Variants in RNF19B observed in about 807,000 individuals in gnomAD.
RNF19B encodes E3 ubiquitin-protein ligase RNF19B.
In RNF19B, 23 loss-of-function variants were observed where a neutral mutation model predicts 65.5. The observed-to-expected ratio is 0.35, with a 90% confidence interval of 0.25 to 0.50. The LOEUF is 0.50. Ranked by LOEUF, RNF19B falls within the 20% of genes least tolerant of loss-of-function variation. The probability of loss-of-function intolerance (pLI) is 0.98; values close to 1 mark genes in which losing one functional copy is unlikely to be tolerated. For synonymous variants in RNF19B, 372 were observed against 379.6 expected (o/e 0.98, Z 0.23); for missense variants, 794 against 980.0 (o/e 0.81, Z 2.53).
intron 7 of RNF19B, among the ~76,000 whole-genome samples, chr1:32,940,605 T>C (rs973969467): frequency 2.0e-5 from 3 of 152,154 alleles, no homozygotes; most frequent in African/African-American, 7.2e-5. Context: ...TAATCTACCT[T>C]TTGGTATGAG....
the RNF19B span, among the ~76,000 whole-genome samples, chr1:32,929,123 T>C: frequency 0.071 from 10,853 of 152,204 alleles, 520 homozygotes; most frequent in Middle Eastern, 0.14. Context: ...CCGCGGGCTG[T>C]GGGGGAGGAT....
At chr1:32,948,671 T>G (rs937424334) in intron 2 of RNF19B, among the ~76,000 whole-genome samples, 1 of 152,186 alleles carries the variant, frequency 6.6e-6, no homozygotes, top group Admixed American at 6.5e-5. Context: ...AAAATGAAAT[T>G]TCTACCAGTC....
intron 1 of RNF19B, among the ~76,000 whole-genome samples, chr1:32,959,564 T>C (rs983275380): frequency 1.3e-5 from 2 of 152,192 alleles, no homozygotes; most frequent in African/African-American, 4.8e-5. Flanking sequence ...TTCTCCTTTA[T>C]AAAATGCACG....
downstream of RNF19B, among the ~76,000 whole-genome samples, chr1:32,936,189 T>TA (rs148669011): frequency 8.0e-3 from 1,219 of 152,342 alleles, 18 homozygotes; most frequent in African/African-American, 0.028. Context: ...CAAACAAAGT[T>TA]AGTTTTAATC....
chr1:32,952,040 T>C (rs1381223924), intron 1 of RNF19B, among the ~76,000 whole-genome samples: 2 of 151,248 alleles, frequency 1.3e-5, no homozygotes, highest in East Asian at 1.9e-4. Flanking sequence ...CTCTGGTGAT[T>C]TGCCTGTCTT....
At chr1:32,929,787 A>G in the RNF19B span, among the ~76,000 whole-genome samples, 117 of 152,286 alleles carry the variant, frequency 7.7e-4, no homozygotes, top group African/African-American at 2.8e-3. Context: ...TATAAGCCAA[A>G]TAGAACCTTG....
At chr1:32,943,061 A>G (rs943548888) in intron 6 of RNF19B, among the ~76,000 whole-genome samples, 1 of 151,620 alleles carries the variant, frequency 6.6e-6, no homozygotes, top group Admixed American at 6.6e-5. Context: ...GAATGACGCG[A>G]ACCCAGGAGC....
At chr1:32,959,089 T>C (rs1642710063) in intron 1 of RNF19B, among the ~76,000 whole-genome samples, 1 of 152,164 alleles carries the variant, frequency 6.6e-6, no homozygotes, top group Non-Finnish European at 1.5e-5. Context: ...GCTTGCTTGA[T>C]CTTCCCTCAT....
intron 3 of RNF19B, among the ~76,000 whole-genome samples, chr1:32,947,101 C>T (rs1440932023): frequency 6.6e-6 from 1 of 152,194 alleles, no homozygotes; most frequent in Non-Finnish European, 1.5e-5. Context: ...CTGTGCCCAA[C>T]CATTTTTGCC....
At chr1:32,937,383 A>C in intron 8 of RNF19B, 124 bp from the exon 9 acceptor site, 7 of 1,418,544 alleles carry the variant, frequency 4.9e-6, no homozygotes, top group Non-Finnish European at 6.8e-6. Context: ...ACTAGAGCTC[A>C]CTTTTAACAA....
intron 8 of RNF19B, 138 bp from the exon 9 acceptor site, chr1:32,937,397 T>C: frequency 3.0e-6 from 4 of 1,316,180 alleles, no homozygotes; most frequent in Non-Finnish European, 4.2e-6. Flanking sequence ...TTAACAAAAA[T>C]AACATTTTAA....
rs1348742561 is a variant in RNF19B at position 32,964,510 on chromosome 1, G to T, written c.176C>A (p.Pro59Gln). 7 of 965,852 alleles carry T rather than the reference G, an allele frequency of 7.2e-6. No homozygotes were observed. Among genetic ancestry groups the T allele is most frequent in the Non-Finnish European group, 8.6e-6 (7 of 812,592 alleles). 59.8% of individuals were successfully genotyped at this position (965,852 alleles called of 1,614,324 possible). The change falls in exon 1 of 9, where the codon CCG (proline) becomes CAG (glutamine). Residue 59 changes from proline to glutamine, a missense_variant. Pro to Gln is a moderately conservative substitution (Grantham distance 76). Around this residue, in one of 3 missense-constraint regions of RNF19B, gnomAD observed 374 missense variants for 423.8 expected, o/e 0.88. Coordinates refer to ENST00000235150, the MANE Select transcript of RNF19B (RefSeq NM_001300826.2). The surrounding 1 kb of genome is among the most constrained non-coding windows in gnomAD (Gnocchi z 6.5). ...RAKPQAEPPPPAAQPPPAPAP... is the reference protein window; with the variant it reads ...RAKPQAEPPPQAAQPPPAPAP... ...CGGGGCGGGCGGCGGCTGCGCAGCCGGGGGCGGCGGCTCGGCCTGCGGCTT... is the reference window on the plus strand; with the variant it reads ...CGGGGCGGGCGGCGGCTGCGCAGCCTGGGGCGGCGGCTCGGCCTGCGGCTT...
At chr1:32,942,878 C>T (rs1007794844) in intron 6 of RNF19B, among the ~76,000 whole-genome samples, 1 of 152,128 alleles carries the variant, frequency 6.6e-6, no homozygotes, top group African/African-American at 2.4e-5. Flanking sequence ...CGGTGGCTCA[C>T]GCCTGTACTT....
Position 32,946,549 on chromosome 1 carries a change from T to C in RNF19B, c.999A>G (p.Thr333=), listed in dbSNP as rs1242009256. ...GGCTCCATGGCTTCTTGCCCCAGAA[T>C]GTACAGCCAGAGGGGCTGCAGGGGA... is the stretch of plus-strand genomic sequence containing the variant. The part of the protein sequence containing the change: ...DLHYLSPSGC[T]FWGKKPWSRK... Residue 333 remains threonine, a synonymous_variant, in exon 4 of 9, where the codon ACA becomes ACG. Coordinates refer to ENST00000235150, the MANE Select transcript of RNF19B (RefSeq NM_001300826.2). The C allele has an allele frequency of 3.7e-6, 6 of 1,614,022 alleles. No homozygotes were observed. Among genetic ancestry groups the C allele is most frequent in the Non-Finnish European group, 5.1e-6 (6 of 1,179,978 alleles).
chr1:32,963,628 G>A (rs1642824104), intron 1 of RNF19B, among the ~76,000 whole-genome samples: 1 of 151,450 alleles, frequency 6.6e-6, no homozygotes, highest in Non-Finnish European at 1.5e-5. Flanking sequence ...TGAGGCAGGA[G>A]AATCGCTTGA....
At chr1:32,961,830 G>T (rs1256707476) in intron 1 of RNF19B, among the ~76,000 whole-genome samples, 2 of 152,070 alleles carry the variant, frequency 1.3e-5, no homozygotes, top group East Asian at 3.8e-4. Flanking sequence ...ATTGATGTGA[G>T]CAAAGACAGA....
At chr1:32,948,484 A>G in intron 2 of RNF19B, 121 bp from the exon 3 acceptor site, 1 of 1,027,686 alleles carries the variant, frequency 9.7e-7, no homozygotes. Context: ...TTCACTGAAC[A>G]CTCCAAATTG....
intron 8 of RNF19B, among the ~76,000 whole-genome samples, chr1:32,938,155 A>AG (rs1553143158): frequency 2.0e-5 from 3 of 151,260 alleles, no homozygotes; most frequent in African/African-American, 7.2e-5. Flanking sequence ...AAAAAAAAAA[A>AG]AAAAAGAAAA....
chr1:32,955,761 A>G (rs1239993074), intron 1 of RNF19B, among the ~76,000 whole-genome samples: 1 of 151,828 alleles, frequency 6.6e-6, no homozygotes, highest in Non-Finnish European at 1.5e-5. Flanking sequence ...AAAAAAAAAA[A>G]AAAGAAAAGA....
Sources: allele counts gnomAD v4.1 joint callset (sites outside exome capture counted in the v4.1 genomes callset), GRCh38; gene constraint gnomAD v4.1.1; regional missense constraint gnomAD v4.1.1; non-coding constraint Gnocchi (gnomAD v3.1); transcripts MANE v1.5; gene names NCBI Gene and HGNC (gene_info 2026-07-23, HGNC 2026-07-21).